Variants in PCYT1B observed in about 807,000 individuals in gnomAD.
The protein encoded by PCYT1B is phosphate cytidylyltransferase 1B, choline, also known as choline-phosphate cytidylyltransferase B.
Under a neutral mutation model 26.4 loss-of-function variants are expected in PCYT1B, and 10 were observed. That is an observed-to-expected ratio of 0.38 (90% CI 0.23 to 0.64). The LOEUF is 0.64. Among genes scored for constraint, PCYT1B ranks in the 30% least tolerant of loss-of-function variants. The pLI is 0.56. For synonymous variants in PCYT1B, 131 were observed against 108.4 expected, an observed-to-expected ratio of 1.21 and a Z score of -1.29; for missense variants, 161 against 292.7, an observed-to-expected ratio of 0.55 and a Z score of 3.28.
intron 1 of PCYT1B, among the ~76,000 whole-genome samples, chrX:24,630,432 A>T (rs1926037382): frequency 9.0e-6 from 1 of 110,762 alleles, no homozygotes; most frequent in African/African-American, 3.3e-5. Flanking sequence ...AGTAGCTGGG[A>T]CCACAGGTGC....
At chrX:24,588,802 C>A (rs1924457200) in intron 4 of PCYT1B, among the ~76,000 whole-genome samples, 1 of 111,630 alleles carries the variant, frequency 9.0e-6, no homozygotes, top group Admixed American at 9.5e-5. Context: ...TTCCTCAGGG[C>A]AAACTCACCC....
At chrX:24,576,882 A>T (rs1924034764) in intron 6 of PCYT1B, among the ~76,000 whole-genome samples, 1 of 111,966 alleles carries the variant, frequency 8.9e-6, no homozygotes, top group Admixed American at 9.5e-5. Flanking sequence ...TAGGCCCATC[A>T]TGAGGATTAA....
chrX:24,569,101 A>C (rs758810908), intron 7 of PCYT1B, among the ~76,000 whole-genome samples: 1 of 111,280 alleles, frequency 9.0e-6, no homozygotes, highest in Non-Finnish European at 1.9e-5. Flanking sequence ...TCTGTCTTAA[A>C]AACAACAACA....
intron 1 of PCYT1B, among the ~76,000 whole-genome samples, chrX:24,641,124 G>A (rs1023659897): frequency 1.8e-5 from 2 of 111,064 alleles, no homozygotes; most frequent in Admixed American, 9.6e-5. Flanking sequence ...AGTAGAGATG[G>A]GTTTTCACCA....
chrX:24,582,117 G>A (rs1037912535), intron 5 of PCYT1B, among the ~76,000 whole-genome samples: 7 of 112,704 alleles, frequency 6.2e-5, no homozygotes, highest in African/African-American at 2.3e-4. Flanking sequence ...GGTGGGTGGG[G>A]GAACCCTCAG....
At chrX:24,565,346 C>T (rs933997253) in intron 7 of PCYT1B, among the ~76,000 whole-genome samples, 1 of 111,185 alleles carries the variant, frequency 9.0e-6, no homozygotes, top group Non-Finnish European at 1.9e-5. Flanking sequence ...TTTTACAAAC[C>T]GTTACAGAGA....
chrX:24,656,905 T>C (rs1926934522), intron 1 of PCYT1B, among the ~76,000 whole-genome samples: 1 of 111,612 alleles, frequency 9.0e-6, no homozygotes, highest in Non-Finnish European at 1.9e-5. Flanking sequence ...AAAGAGATAT[T>C]TTTAAAATCA....
intron 2 of PCYT1B, among the ~76,000 whole-genome samples, chrX:24,612,371 G>C (rs997010900): frequency 8.9e-6 from 1 of 112,401 alleles, no homozygotes; most frequent in Non-Finnish European, 1.9e-5. Context: ...CATAGACTGG[G>C]AGAAAATATT....
At chrX:24,668,164 C>T (rs755694998) in intron 1 of PCYT1B, among the ~76,000 whole-genome samples, 1 of 112,206 alleles carries the variant, frequency 8.9e-6, no homozygotes, top group Admixed American at 9.5e-5. Context: ...GGAACATGTG[C>T]CCCACAGATC....
chrX:24,651,466 AAAAAAAATATATATAT>A (rs1488753071), upstream of PCYT1B, among the ~76,000 whole-genome samples: 8 of 28,643 alleles, frequency 2.8e-4, 1 homozygote, highest in African/African-American at 8.7e-4. Context: ...AAAAAAAAAA[AAAAAAAATATATATAT>A]ATATATATAT....
intron 1 of PCYT1B, among the ~76,000 whole-genome samples, chrX:24,656,165 G>GA (rs1192968987): frequency 5.4e-5 from 2 of 36,745 alleles, no homozygotes; most frequent in Non-Finnish European, 9.4e-5. Context: ...CCCATTAGGG[G>GA]AAAAAAATAA....
At chrX:24,590,718 G>A (rs1408253171) in intron 3 of PCYT1B, among the ~76,000 whole-genome samples, 3 of 109,649 alleles carry the variant, frequency 2.7e-5, no homozygotes, top group Non-Finnish European at 5.7e-5. Context: ...TACACATCAG[G>A]TCACTCAATC....
intron 2 of PCYT1B, among the ~76,000 whole-genome samples, chrX:24,613,245 C>A (rs1925364383): frequency 8.9e-6 from 1 of 112,128 alleles, no homozygotes; most frequent in Non-Finnish European, 1.9e-5. Context: ...GTAATTATGG[C>A]AACTAGTACT....
chrX:24,637,577 T>C (rs1820326506), intron 1 of PCYT1B, among the ~76,000 whole-genome samples: 1 of 99,094 alleles, frequency 1.0e-5, no homozygotes, highest in African/African-American at 3.9e-5. Context: ...GGCAGAAGAA[T>C]CACTTGAACC....
intron 1 of PCYT1B, among the ~76,000 whole-genome samples, chrX:24,633,888 G>GA (rs61153322): frequency 0.11 from 12,030 of 110,196 alleles, 1,655 homozygotes; most frequent in African/African-American, 0.38. Context: ...CAAAAAATAA[G>GA]AAAAAAAGCT....
At chrX:24,639,516 A>C (rs781355451) in intron 1 of PCYT1B, among the ~76,000 whole-genome samples, 1 of 111,227 alleles carries the variant, frequency 9.0e-6, no homozygotes, top group South Asian at 3.8e-4. Flanking sequence ...TCATCACTGC[A>C]TCTCATCAGG....
intron 1 of PCYT1B, among the ~76,000 whole-genome samples, chrX:24,657,075 T>C (rs999245944): frequency 1.8e-5 from 2 of 111,938 alleles, no homozygotes; most frequent in Non-Finnish European, 3.8e-5. Context: ...AGCTGTGTAG[T>C]CAGTAAAGAA....
intron 1 of PCYT1B, among the ~76,000 whole-genome samples, chrX:24,630,721 A>C (rs764697668): frequency 8.9e-6 from 1 of 112,553 alleles, no homozygotes; most frequent in Admixed American, 9.4e-5. Flanking sequence ...CACAGCAAAG[A>C]GGAAAACAAA....
intron 1 of PCYT1B, among the ~76,000 whole-genome samples, chrX:24,656,810 G>T (rs1366780206): frequency 1.8e-5 from 2 of 110,208 alleles, no homozygotes; most frequent in Non-Finnish European, 3.8e-5. Context: ...GGGATTACAG[G>T]CGTGAGCCAC....
Sources: gnomAD v4.1 joint callset for allele counts (sites outside exome capture counted in the v4.1 genomes callset) on GRCh38, gnomAD v4.1.1 for gene constraint, MANE v1.5 for transcripts, NCBI Gene and HGNC (gene_info 2026-07-23, HGNC 2026-07-21) for gene names.